Variants in ZBP1 observed in about 807,000 individuals in gnomAD.
ZBP1 encodes Z-DNA-binding protein 1.
A neutral mutation model predicts 41.1 loss-of-function variants in ZBP1; 42 were observed. The observed-to-expected ratio is 1.02, with a 90% CI of 0.80 to 1.32. ZBP1 has a LOEUF of 1.32. Ranked by LOEUF, ZBP1 falls within the 40% of genes most tolerant of loss-of-function variation. The pLI is 0.00. For missense variants in ZBP1, 562 were observed against 549.7 expected (o/e 1.02, Z -0.22); for synonymous variants, 214 against 205.2 (o/e 1.04, Z -0.37).
intron 7 of ZBP1, among the ~76,000 whole-genome samples, chr20:57,606,174 G>A (rs910729647): frequency 6.6e-6 from 1 of 152,250 alleles, no homozygotes; most frequent in Non-Finnish European, 1.5e-5. Flanking sequence ...CATGAGTGAT[G>A]AGAAAGTGAA....
Position 57,616,470 on chromosome 20 carries a change from T to C in ZBP1, c.35-2A>G, listed in dbSNP as rs748036379. ...GCAGGATTCTTTGTTCAAGGTGGCC[T>C]GGGGGAGCGAGCGGGGGACAGAGAG... is the stretch of plus-strand genomic sequence containing the variant. On this transcript the variant is annotated splice_acceptor_variant, in intron 1 of 7. Coordinates refer to ENST00000371173, the MANE Select transcript of ZBP1 (RefSeq NM_030776.3). LOFTEE classifies it high-confidence loss of function. The C allele has an allele frequency of 6.2e-7, 1 of 1,612,886 alleles. No homozygotes were observed. Among genetic ancestry groups the C allele is most frequent in the Admixed American group, 1.7e-5 (1 of 60,012 alleles).
intron 7 of ZBP1, 39 bp from the exon 8 acceptor site, chr20:57,604,808 G>A (rs747154554): frequency 1.2e-5 from 19 of 1,588,574 alleles, no homozygotes; most frequent in South Asian, 7.9e-5. Flanking sequence ...TCATGGGCAC[G>A]TGGCCTGGGC....
chr20:57,613,848 G>A lies in ZBP1; in HGVS notation c.503-518C>T, dbSNP rs1186327187. 1.3e-5 allele frequency among the ~76,000 whole-genome samples: 2 copies of A among 152,162 alleles called. No individual in the cohort carries two copies. Among genetic ancestry groups the A allele is most frequent in the Non-Finnish European group, 2.9e-5 (2 of 68,024 alleles). On this transcript the variant is annotated intron_variant, in intron 4 of 7. Coordinates refer to ENST00000371173, the MANE Select transcript of ZBP1 (RefSeq NM_030776.3). This position sits in a 1 kb window ranked among gnomAD's most constrained non-coding sequence, Gnocchi z 4.5. ...CCCTAGGATGCTGAGACCCCCTCGG[G>A]CACCCGTCATGAGTAGCAGAGTCAG...
intron 2 of ZBP1, chr20:57,615,942 C>T: frequency 1.8e-6 from 1 of 547,084 alleles, no homozygotes. Flanking sequence ...GTGATTGGGA[C>T]CATGGCGTCA....
intron 7 of ZBP1, chr20:57,607,412 T>C (rs959024714): frequency 1.7e-6 from 2 of 1,182,408 alleles, no homozygotes; most frequent in Non-Finnish European, 2.1e-6. Flanking sequence ...TTGCTTCTTA[T>C]GGATGAGCAA....
At chr20:57,615,408 G>C (rs1600740916) in intron 3 of ZBP1, 104 bp downstream of exon 3, 1 of 1,259,422 alleles carries the variant, frequency 7.9e-7, no homozygotes, top group East Asian at 2.3e-5. Flanking sequence ...GGTGGGACAG[G>C]GCCCCTGAAC....
At chr20:57,604,862 T>C in intron 7 of ZBP1, 93 bp from the exon 8 acceptor site, 3 of 1,248,356 alleles carry the variant, frequency 2.4e-6, no homozygotes. Flanking sequence ...GAGCTCAGCT[T>C]GAGCCTTTGT....
Position 57,610,241 on chromosome 20 carries a change from A to G in ZBP1, c.1001T>C (p.Ile334Thr), listed in dbSNP as rs747759281. Reference sequence around the variant, plus strand: ...GATAGACATTTTGTTGCTGTTGCCGATGGTGGCGTCCTCGAGAAAGCACGA... The same window carrying G: ...GATAGACATTTTGTTGCTGTTGCCGGTGGTGGCGTCCTCGAGAAAGCACGA... ...MKSCFLEDAT[I>T]GNSNKMSISP... The change falls in exon 7 of 8, where the codon ATC (isoleucine) becomes ACC (threonine). Residue 334 changes from isoleucine to threonine, a missense_variant. Transcript: ENST00000371173. This position sits in a 1 kb window ranked among gnomAD's most constrained non-coding sequence, Gnocchi z 5.5. 1 of 1,614,070 alleles carries G rather than the reference A, an allele frequency of 6.2e-7. No individual in the cohort carries two copies. The highest frequency in any genetic ancestry group is 1.1e-5 in the South Asian group (1 of 91,084).
rs771436147 is a variant in ZBP1 at position 57,614,921 on chromosome 20, A to C, written c.468T>G (p.Asp156Glu). ...RMKSRHLLDM[D>E]EQSKAWTIYR... is the part of the protein sequence containing the mutation. ...AAATCGTCCATGCTTTGGACTGCTC[A>C]TCCATGTCCAGAAGGTGCCTGCTCT... The change falls in exon 4 of 8, where the codon GAT becomes GAG. Residue 156 changes from aspartate (D) to glutamate (E), a missense_variant. Asp to Glu is a conservative substitution (Grantham distance 45, BLOSUM62 2). Coordinates refer to ENST00000371173, the MANE Select transcript of ZBP1 (RefSeq NM_030776.3). 6.2e-7 allele frequency: 1 copy of C among 1,614,172 alleles called. No homozygotes were observed. Among genetic ancestry groups the C allele is most frequent in the Non-Finnish European group, 8.5e-7 (1 of 1,180,020 alleles).
chr20:57,604,165 A>G lies in ZBP1; in HGVS notation c.*408T>C, dbSNP rs577434778. On this transcript the variant is annotated 3_prime_UTR_variant, in exon 8 of 8. Coordinates refer to ENST00000371173, the MANE Select transcript of ZBP1 (RefSeq NM_030776.3). ...TGGGATTACAGGCGTGAGCCACTGC[A>G]CCCAGTTGGGATTATGTTTTGATAT... 8.4e-5 allele frequency: 29 copies of G among 343,834 alleles called. No individual in the cohort carries two copies. The highest frequency in any genetic ancestry group is 6.4e-4 in the Admixed American group (16 of 24,866). 21.3% of individuals were successfully genotyped at this position (343,834 alleles called of 1,614,324 possible). A position where few individuals can be genotyped will look rare whatever the true frequency, so the allele number is the denominator to read the frequency against.
intron 5 of ZBP1, chr20:57,612,859 T>TA: frequency 8.1e-7 from 1 of 1,229,910 alleles, no homozygotes; most frequent in East Asian, 3.3e-5. Context: ...AAATGAGGCA[T>TA]AAGGTCAGGC....
chr20:57,607,264 G>A (rs2070521629), intron 7 of ZBP1: 1 of 1,303,410 alleles, frequency 7.7e-7, no homozygotes. Flanking sequence ...TTTCATGAAT[G>A]ACTTTGAGGG....
At chr20:57,612,006 C>A in intron 5 of ZBP1, 76 bp from the exon 6 acceptor site, 1 of 1,451,550 alleles carries the variant, frequency 6.9e-7, no homozygotes. Flanking sequence ...CACACGCAGG[C>A]CTGTCCTCTG....
chr20:57,615,228 C>T, intron 3 of ZBP1, 168 bp from the exon 4 acceptor site: 1 of 785,476 alleles, frequency 1.3e-6, no homozygotes, highest in African/African-American at 1.7e-5. Context: ...CAGAGGTGCC[C>T]TGAGGGTGGG....
chr20:57,610,186 G>T lies in ZBP1; in HGVS notation c.1056C>A (p.Val352=), dbSNP rs138079392. 1 of 1,613,950 alleles carries T rather than the reference G, an allele frequency of 6.2e-7. No individual in the cohort carries two copies. Among genetic ancestry groups the T allele is most frequent in the South Asian group, 1.1e-5 (1 of 91,078 alleles). Residue 352 remains valine (V), a synonymous_variant, in exon 7 of 8, where the codon GTC becomes GTA. Transcript: ENST00000371173. This position sits in a 1 kb window ranked among gnomAD's most constrained non-coding sequence, Gnocchi z 5.5. ...CTGGCTCCCCCTCTCCAGACCCTGC[G>T]ACTCCTCCTGGGCCAGCCACCCCTG... ...ISPGVAGPGG[V]AGSGEGEPGE...
intron 7 of ZBP1, among the ~76,000 whole-genome samples, chr20:57,606,026 A>T (rs1392472007): frequency 6.6e-6 from 1 of 152,262 alleles, no homozygotes; most frequent in Non-Finnish European, 1.5e-5. Context: ...TTTAAATCAA[A>T]AGTGAGAAAT....
chr20:57,606,884 G>T (rs905096578), intron 7 of ZBP1, among the ~76,000 whole-genome samples: 1 of 152,056 alleles, frequency 6.6e-6, no homozygotes, highest in South Asian at 2.1e-4. Context: ...TGAGTGTTCC[G>T]CATCCTGGAT....
At chr20:57,617,907 G>A (rs1187214000) in intron 1 of ZBP1, 5 of 151,772 alleles carry the variant, frequency 3.3e-5, no homozygotes, top group South Asian at 2.1e-4. Context: ...AGGGACAGAC[G>A]TTTACCCAAT....
intron 7 of ZBP1, chr20:57,607,140 TGAAAATCTTCTG>T (rs1273527942): frequency 2.3e-6 from 3 of 1,304,158 alleles, no homozygotes; most frequent in Non-Finnish European, 2.0e-6. Flanking sequence ...CAAAGTAAGT[TGAAAATCTTCTG>T]GAAAAGATCA....
Sources: gnomAD v4.1 joint callset for allele counts (sites outside exome capture counted in the v4.1 genomes callset) on GRCh38, gnomAD v4.1.1 for gene constraint, Gnocchi (gnomAD v3.1) non-coding constraint, MANE v1.5 for transcripts, NCBI Gene and HGNC (gene_info 2026-07-23, HGNC 2026-07-21) for gene names.